The following RFX8 variants were observed in gnomAD, a reference collection of about 807,000 sequenced individuals.
RFX8 encodes the protein DNA-binding protein RFX8.
In RFX8, 46 loss-of-function variants were observed where a neutral mutation model predicts 54.6. That is an observed-to-expected ratio of 0.84 (90% CI 0.67 to 1.08). The LOEUF is 1.08. RFX8 is among the 50% of genes least tolerant of loss of function. The pLI is 0.00. For missense variants in RFX8, 536 were observed against 562.3 expected (o/e 0.95, Z 0.47); for synonymous variants, 192 against 209.5 (o/e 0.92, Z 0.72).
chr2:101,460,506 TGACCAATA>T (rs1289769441), intron 2 of RFX8, among the ~76,000 whole-genome samples: 1 of 152,212 alleles, frequency 6.6e-6, no homozygotes, highest in Non-Finnish European at 1.5e-5. Flanking sequence ...ATTACACTTA[TGACCAATA>T]GAAGTCTGGT....
At chr2:101,402,867 A>G (rs1045376605) in intron 10 of RFX8, 115 bp from the exon 11 acceptor site, 48 of 945,704 alleles carry the variant, frequency 5.1e-5, no homozygotes, top group Non-Finnish European at 7.1e-5. Context: ...GCCTCGTTCC[A>G]ATAGCTTACC....
Position 101,402,687 on chromosome 2 carries a change from C to T in RFX8, c.994G>A (p.Glu332Lys). 1 of 1,554,690 alleles carries T rather than the reference C, an allele frequency of 6.4e-7. No individual in the cohort carries two copies. Among genetic ancestry groups the T allele is most frequent in the Non-Finnish European group, 8.7e-7 (1 of 1,148,330 alleles). ...YMIHILQSCL[E>K]EEEEEEDMGT... ...ATGTCCTCCTCCTCCTCTTCCTCCT[C>T]TAGGCATGACTGAAGTATATGAATC... The change falls in exon 11 of 12, where the codon GAG becomes AAG. Residue 332 changes from glutamate (E) to lysine (K), a missense_variant. By Grantham distance (56) the Glu-to-Lys change is moderately conservative. Coordinates refer to ENST00000428343, the MANE Select transcript of RFX8 (RefSeq NM_001145664.2).
At chr2:101,472,744 G>A (rs927681453) in intron 1 of RFX8, among the ~76,000 whole-genome samples, 4 of 152,138 alleles carry the variant, frequency 2.6e-5, no homozygotes, top group Admixed American at 6.6e-5. Context: ...AAGGCCCAGC[G>A]TGGTGGCTCA....
intron 7 of RFX8, among the ~76,000 whole-genome samples, chr2:101,413,977 C>T (rs1444475706): frequency 6.6e-6 from 1 of 152,188 alleles, no homozygotes; most frequent in African/African-American, 2.4e-5. Context: ...TCCCCAGGCT[C>T]TATCCCAATA....
In RFX8 at chr2:101,413,091, A is replaced by G; in HGVS notation, c.562-20T>C. ...CATAGTCTAAAGATAACAGGGAGGC[A>G]TAATACTTAATTCAATCTGGTCATT... On this transcript the variant is annotated intron_variant, in intron 7 of 11. Transcript: ENST00000428343. 6.5e-7 allele frequency: 1 copy of G among 1,542,110 alleles called. No homozygotes were observed. The highest frequency in any genetic ancestry group is 8.8e-7 in the Non-Finnish European group (1 of 1,142,296).
At chr2:101,414,754 G>T (rs1004681103) in intron 7 of RFX8, 100 bp downstream of exon 7, 38 of 918,004 alleles carry the variant, frequency 4.1e-5, no homozygotes, top group Non-Finnish European at 5.8e-5. Flanking sequence ...CTGCCCTCCA[G>T]ATGGACAGAG....
chr2:101,422,508 A>G (rs1447115664), intron 2 of RFX8, 36 bp from the exon 3 acceptor site: 2 of 1,207,084 alleles, frequency 1.7e-6, no homozygotes, highest in Non-Finnish European at 2.4e-6. Flanking sequence ...ATGTCTTTAA[A>G]ATACAATACT....
Position 101,417,586 on chromosome 2 carries a change from G to A in RFX8, c.450C>T (p.Leu150=). 6.4e-7 allele frequency: 1 copy of A among 1,551,818 alleles called. No individual in the cohort carries two copies. The highest frequency in any genetic ancestry group is 8.7e-7 in the Non-Finnish European group (1 of 1,146,956). Residue 150 remains leucine, a synonymous_variant, in exon 6 of 12, where the codon CTC becomes CTT. Transcript: ENST00000428343. ...CTGGAACACCTTCCAAAGCATTAAG[G>A]AGCCACAGCTTAAATTTCTTACTAA... ...QLFSKKFKLW[L]LNALEGVPAL...
intron 5 of RFX8, among the ~76,000 whole-genome samples, chr2:101,418,274 C>T (rs1686652981): frequency 6.6e-6 from 1 of 152,046 alleles, no homozygotes; most frequent in African/African-American, 2.4e-5. Context: ...GTGGGTCAAA[C>T]CAAATATATT....
rs987746917 is a variant in RFX8 at position 101,417,525 on chromosome 2, G to T, written c.502+9C>A. 5 of 1,539,710 alleles carry T rather than the reference G, an allele frequency of 3.2e-6. No individual in the cohort carries two copies. The African/African-American group carries it at 6.9e-5, about 21-fold the overall frequency. On this transcript the variant is annotated intron_variant, in intron 6 of 11. Transcript: ENST00000428343. ...CAGCCCAGAATTTATTTTTTTCATC[G>T]AAACCTACCTTTGAGTTTGGAGATC...
chr2:101,417,707 C>T, intron 5 of RFX8, 23 bp from the exon 6 acceptor site: 1 of 1,533,944 alleles, frequency 6.5e-7, no homozygotes, highest in South Asian at 1.2e-5. Flanking sequence ...TAACAAGACA[C>T]TATGATTCTG....
chr2:101,433,781 G>C (rs1687622089), intron 2 of RFX8, among the ~76,000 whole-genome samples: 1 of 152,162 alleles, frequency 6.6e-6, no homozygotes, highest in African/African-American at 2.4e-5. Flanking sequence ...CTTGTTCCGT[G>C]TCAGATTTCA....
At chr2:101,429,070 T>G (rs1687345852) in intron 2 of RFX8, 7 of 1,139,086 alleles carry the variant, frequency 6.1e-6, no homozygotes, top group Non-Finnish European at 7.6e-6. Flanking sequence ...CACCTGTCTC[T>G]GAGCAGAAGC....
At position 101,440,154 on chromosome 2, in the gene RFX8, C is replaced by G. The variant is rs1016479628; in HGVS notation, c.73-17682G>C. Among the ~76,000 whole-genome samples the G allele has an allele frequency of 2.0e-5, 3 of 151,700 alleles. No homozygotes were observed. In the East Asian group the frequency reaches 5.8e-4, roughly 29 times the overall value. On this transcript the variant is annotated intron_variant, in intron 2 of 11. Coordinates refer to ENST00000428343, the MANE Select transcript of RFX8 (RefSeq NM_001145664.2). Reference sequence around the variant, plus strand: ...ATAATTCATATACCATACAATTCACCCGTTTAAAGAGTCCAAGTCAATGTT... The same window carrying G: ...ATAATTCATATACCATACAATTCACGCGTTTAAAGAGTCCAAGTCAATGTT...
chr2:101,460,496 A>T (rs1307314530), intron 2 of RFX8, among the ~76,000 whole-genome samples: 1 of 152,158 alleles, frequency 6.6e-6, no homozygotes, highest in East Asian at 1.9e-4. Context: ...GAGCCATGAC[A>T]TTACACTTAT....
chr2:101,418,851 C>A lies in RFX8; in HGVS notation c.351G>T (p.Lys117Asn). 6.5e-7 allele frequency: 1 copy of A among 1,541,004 alleles called. No individual in the cohort carries two copies. The change falls in exon 5 of 12, where the codon AAG (lysine) becomes AAT (asparagine). Residue 117 changes from lysine (K) to asparagine (N), a missense_variant and splice_region_variant. By Grantham distance (94) the Lys-to-Asn change is moderately conservative. Coordinates refer to ENST00000428343, the MANE Select transcript of RFX8 (RefSeq NM_001145664.2). ...TCTAGAGACTCACGCGTCCTCCTAC[C>A]TTGTACAGCTGGACGTCGTAGCATT... ...LFKCYDVQLY[K>N]GIEDVLLHDF...
intron 2 of RFX8, among the ~76,000 whole-genome samples, chr2:101,441,820 T>C (rs543436152): frequency 2.4e-4 from 36 of 152,354 alleles, no homozygotes; most frequent in Non-Finnish European, 4.3e-4. Context: ...CAAAAGTACA[T>C]ACTTGAGTCA....
rs1688613055 is a variant in RFX8, at chr2:101,450,459, C to T, written c.72+16318G>A. On this transcript the variant is annotated intron_variant, in intron 2 of 11. Coordinates refer to ENST00000428343, the MANE Select transcript of RFX8 (RefSeq NM_001145664.2). ...GCTGGTCTTGAACTACTGAACTCAACTCAAGCGGTTCTTGTGCCCCAGCCT... is the reference window on the plus strand; with the variant it reads ...GCTGGTCTTGAACTACTGAACTCAATTCAAGCGGTTCTTGTGCCCCAGCCT... 3 of 554,194 alleles carry T rather than the reference C, an allele frequency of 5.4e-6. No individual in the cohort carries two copies. In the East Asian group the frequency reaches 9.0e-5, roughly 17 times the overall value. The allele number at this position is 554,194 out of a possible 1,614,324, so 34.3% of individuals were successfully genotyped here.
chr2:101,474,071 C>T (rs572593385), intron 1 of RFX8: 2 of 481,656 alleles, frequency 4.2e-6, no homozygotes, highest in Admixed American at 4.4e-5. Flanking sequence ...CATCAGAAAG[C>T]GCTGGGCCTG....
Sources: allele counts gnomAD v4.1 joint callset (sites outside exome capture counted in the v4.1 genomes callset), GRCh38; gene constraint gnomAD v4.1.1; transcripts MANE v1.5; gene names NCBI Gene and HGNC (gene_info 2026-07-23, HGNC 2026-07-21).